The following TTLL7 variants were observed in gnomAD, a reference collection of about 807,000 sequenced individuals.
TTLL7 encodes the protein tubulin tyrosine ligase like 7, also known as tubulin polyglutamylase TTLL7.
In TTLL7, 53 loss-of-function variants were observed where a neutral mutation model predicts 120.2. That is an observed-to-expected ratio of 0.44 (90% CI 0.35 to 0.55). TTLL7 has a LOEUF of 0.55. Among genes scored for constraint, TTLL7 ranks in the 20% least tolerant of loss-of-function variants. The pLI is 0.00. For missense variants in TTLL7, 803 were observed against 1,054.7 expected (o/e 0.76, Z 3.31); for synonymous variants, 353 against 351.7 (o/e 1.00, Z -0.04).
At chr1:83,975,760 C>T (rs569695053) in intron 1 of TTLL7, among the ~76,000 whole-genome samples, 19 of 152,004 alleles carry the variant, frequency 1.2e-4, no homozygotes, top group Non-Finnish European at 2.6e-4. Flanking sequence ...TTCAAAGGGG[C>T]CTCCCCATAT....
At chr1:83,919,910 C>T in intron 12 of TTLL7, 76 bp from the exon 13 acceptor site, 1 of 1,399,368 alleles carries the variant, frequency 7.1e-7, no homozygotes, top group Non-Finnish European at 9.9e-7. Flanking sequence ...ACTCCATAGA[C>T]AATCCTTGAC....
rs1005583809 is a variant in TTLL7 at position 83,921,288 on chromosome 1, C to T, written c.1249G>A (p.Glu417Lys). 1 of 1,613,366 alleles carries T rather than the reference C, an allele frequency of 6.2e-7. No individual in the cohort carries two copies. The highest frequency in any genetic ancestry group is 8.5e-7 in the Non-Finnish European group (1 of 1,179,784). ...KRLLPGSSDW[E>K]QQRHQLERRK... ...CTCTCCAACTGGTGTCTCTGCTGTT[C>T]CCAGTCTGAGGAGCCTGGTAAGAGC... The change falls in exon 11 of 21, where the codon GAA becomes AAA. Residue 417 changes from glutamate to lysine, a missense_variant. By Grantham distance (56) the Glu-to-Lys change is moderately conservative. Transcript: ENST00000260505.
chr1:83,902,522 T>C (rs192069788), intron 18 of TTLL7, among the ~76,000 whole-genome samples: 3 of 152,176 alleles, frequency 2.0e-5, no homozygotes, highest in African/African-American at 2.4e-5. Context: ...TGTGACACAA[T>C]TGATTACTCT....
At chr1:83,942,700 TA>T (rs1199892454) in intron 6 of TTLL7, 21 bp from the exon 7 acceptor site, 3 of 1,557,142 alleles carry the variant, frequency 1.9e-6, no homozygotes, top group Non-Finnish European at 2.6e-6. Context: ...AGAAAAAAAT[TA>T]AAAGAATGAT....
At chr1:83,931,376 C>T (rs1022869493) in intron 9 of TTLL7, among the ~76,000 whole-genome samples, 1 of 151,872 alleles carries the variant, frequency 6.6e-6, no homozygotes, top group African/African-American at 2.4e-5. Context: ...CACAGCCTTT[C>T]CCCACCCCTA....
intron 1 of TTLL7, among the ~76,000 whole-genome samples, chr1:83,989,267 G>A (rs923045951): frequency 6.6e-5 from 10 of 152,038 alleles, no homozygotes; most frequent in South Asian, 2.1e-4. Context: ...TGTTGGGAAG[G>A]GTATTTCCTA....
chr1:83,891,900 T>C (rs1199496368), intron 18 of TTLL7, among the ~76,000 whole-genome samples: 3 of 151,952 alleles, frequency 2.0e-5, no homozygotes, highest in Non-Finnish European at 4.4e-5. Context: ...TGATCTCGGC[T>C]TACTGTAGCC....
chr1:83,929,124 AGAGT>A lies in TTLL7; in HGVS notation c.1142+8_1142+11del. Reference sequence around the variant, plus strand: ...GGAGATAAATGTCCAAAAGATAGAGAGAGTATTTTACCTTATGTTTAGTAGCTTC... The same window carrying A: ...GGAGATAAATGTCCAAAAGATAGAGAATTTTACCTTATGTTTAGTAGCTTC... On this transcript the variant is annotated splice_region_variant and intron_variant, in intron 10 of 20. Transcript: ENST00000260505. 3 of 1,565,672 alleles carry A rather than the reference AGAGT, an allele frequency of 1.9e-6. No individual in the cohort carries two copies. Among genetic ancestry groups the A allele is most frequent in the African/African-American group, 1.4e-5 (1 of 73,614 alleles).
intron 1 of TTLL7, chr1:83,983,983 C>T (rs1379316639): frequency 1.3e-5 from 2 of 152,146 alleles, no homozygotes; most frequent in Non-Finnish European, 1.5e-5. Flanking sequence ...CCTAGCTACT[C>T]AGGAGGCTGA....
rs527974604 is a variant in TTLL7 at position 83,997,963 on chromosome 1, ATCTT to A, written c.-177+964_-177+967del. On this transcript the variant is annotated intron_variant, in intron 1 of 20. Transcript: ENST00000260505. Reference sequence around the variant, plus strand: ...GATTATTTTTCACATGATTCAAAGCATCTTTCTTTCATATTGAAGGAGCAATAAT... The same window carrying A: ...GATTATTTTTCACATGATTCAAAGCATCTTTCATATTGAAGGAGCAATAAT... Among the ~76,000 whole-genome samples the A allele has an allele frequency of 4.6e-5, 7 of 152,238 alleles. No individual in the cohort carries two copies. The South Asian group carries it at 1.4e-3, about 32-fold the overall frequency.
chr1:83,931,806 G>C (rs780794207), intron 9 of TTLL7, among the ~76,000 whole-genome samples: 9 of 152,072 alleles, frequency 5.9e-5, no homozygotes, highest in Non-Finnish European at 1.2e-4. Flanking sequence ...AATTATTCTG[G>C]TTAACTAAAA....
chr1:83,923,529 A>G (rs189000453), intron 10 of TTLL7, among the ~76,000 whole-genome samples: 118 of 152,054 alleles, frequency 7.8e-4, no homozygotes, highest in African/African-American at 2.7e-3. Context: ...CTTATACACA[A>G]ACAGTTTGAA....
intron 18 of TTLL7, among the ~76,000 whole-genome samples, chr1:83,892,286 A>G (rs545966031): frequency 1.0e-4 from 8 of 78,624 alleles, no homozygotes; most frequent in Non-Finnish European, 2.0e-4. Context: ...ATGAATATAT[A>G]TGTATATATG....
rs548156069 is a variant in TTLL7 at position 83,902,429 on chromosome 1, T to A, written c.2208+1650A>T. The stretch of plus-strand genomic sequence containing the variant: ...ACTCCCCACCACCCCTCTAAATTTA[T>A]GATTGGGGTCATCGCTAACATCCAC... On this transcript the variant is annotated intron_variant, in intron 18 of 20. Coordinates refer to ENST00000260505, the MANE Select transcript of TTLL7 (RefSeq NM_024686.6). Among the ~76,000 whole-genome samples the A allele has an allele frequency of 1.1e-4, 16 of 152,132 alleles. No individual in the cohort carries two copies. In the East Asian group the frequency reaches 3.1e-3, roughly 30 times the overall value.
At chr1:83,948,782 G>T in intron 4 of TTLL7, 87 bp from the exon 5 acceptor site, 1 of 886,524 alleles carries the variant, frequency 1.1e-6, no homozygotes, top group Non-Finnish European at 1.7e-6. Context: ...CATCCTTTGA[G>T]TTTTATGTTT....
At chr1:83,964,987 C>A (rs1014512357) in intron 1 of TTLL7, among the ~76,000 whole-genome samples, 1 of 151,964 alleles carries the variant, frequency 6.6e-6, no homozygotes, top group Admixed American at 6.6e-5. Flanking sequence ...TTCTTTAGAA[C>A]AATCTTAATC....
At position 83,928,904 on chromosome 1, in the gene TTLL7, C is replaced by A. The variant is rs371153367; in HGVS notation, c.1142+232G>T. On this transcript the variant is annotated intron_variant, in intron 10 of 20. Coordinates refer to ENST00000260505, the MANE Select transcript of TTLL7 (RefSeq NM_024686.6). ...AAGCAGTATACAGGAGTAGGGGGGA[C>A]AGATTTTTTTTTTTAACTATATGAG... is the stretch of plus-strand genomic sequence containing the variant. Among the ~76,000 whole-genome samples the A allele has an allele frequency of 4.3e-4, 64 of 150,068 alleles. 1 individual carries two copies. In the South Asian group the frequency reaches 0.013, roughly 30 times the overall value.
At chr1:83,966,748 T>C (rs535422349) in intron 1 of TTLL7, among the ~76,000 whole-genome samples, 49 of 152,268 alleles carry the variant, frequency 3.2e-4, no homozygotes, top group Non-Finnish European at 6.8e-4. Flanking sequence ...ACCTATAAAA[T>C]TGTGATTATC....
At chr1:83,982,279 G>A (rs904593130) in intron 1 of TTLL7, among the ~76,000 whole-genome samples, 1 of 152,052 alleles carries the variant, frequency 6.6e-6, no homozygotes, top group Non-Finnish European at 1.5e-5. Context: ...GCCAGGCTGA[G>A]AAGGAAATTT....
Sources: allele counts gnomAD v4.1 joint callset (sites outside exome capture counted in the v4.1 genomes callset), GRCh38; gene constraint gnomAD v4.1.1; transcripts MANE v1.5; gene names NCBI Gene and HGNC (gene_info 2026-07-23, HGNC 2026-07-21).